Variants in MAU2 observed in about 807,000 individuals in gnomAD.
MAU2 encodes the protein MAU2 chromatid cohesion factor homolog.
MAU2 carries 9 observed loss-of-function variants against 89.1 expected under a neutral mutation model. The ratio of observed to expected loss-of-function variants is 0.10; its 90% CI spans 0.06 to 0.18. The LOEUF (loss-of-function observed/expected upper bound fraction) is 0.18, where lower values mean the gene tolerates loss of function less well. Ranked by LOEUF, MAU2 falls within the 10% of genes least tolerant of loss-of-function variation. The pLI is 1.00. For missense variants in MAU2, 425 were observed against 803.5 expected (o/e 0.53, Z 5.69); for synonymous variants, 357 against 343.4 (o/e 1.04, Z -0.44).
intron 9 of MAU2, 118 bp downstream of exon 9, chr19:19,342,984 G>C (rs2061664569): frequency 5.7e-6 from 6 of 1,044,578 alleles, no homozygotes; most frequent in Non-Finnish European, 7.3e-6. Flanking sequence ...CAGCCACCCT[G>C]CCTGGTGGGT....
intron 1 of MAU2, chr19:19,329,215 C>G (rs2061535399): frequency 4.6e-6 from 2 of 437,822 alleles, no homozygotes; most frequent in Non-Finnish European, 9.2e-6. Context: ...AATTCCGTGT[C>G]CCATCTGCAG....
intron 7 of MAU2, among the ~76,000 whole-genome samples, chr19:19,342,330 A>C (rs551718172): frequency 7.7e-4 from 118 of 152,314 alleles, no homozygotes; most frequent in Admixed American, 1.3e-3. Context: ...TCAGTCCCAC[A>C]GCTGCCCGCC....
chr19:19,326,708 A>ATATGTATATATATT (rs1555792844), intron 1 of MAU2, among the ~76,000 whole-genome samples: 1 of 120,224 alleles, frequency 8.3e-6, no homozygotes, highest in Non-Finnish European at 1.7e-5. Flanking sequence ...ATATGTATAT[A>ATATGTATATATATT]TATATATATA....
chr19:19,350,058 G>A (rs1599924638), intron 16 of MAU2, among the ~76,000 whole-genome samples: 2 of 151,126 alleles, frequency 1.3e-5, no homozygotes, highest in East Asian at 3.9e-4. Flanking sequence ...ACTTTGGGAG[G>A]CCAAGGCGGG....
rs906998961 is a variant in MAU2 at position 19,337,175 on chromosome 19, C to T, written c.366C>T (p.Ser122=). The T allele has an allele frequency of 7.4e-6, 12 of 1,611,280 alleles. No individual in the cohort carries two copies. The Admixed American group carries it at 1.5e-4, about 20-fold the overall frequency. ...ACGTGACTATTTCCTTTCAGAATTC[C>T]GTTGATGCAGCAAAGCCGCTGCTGC... ...LLSELYCQEN[S]VDAAKPLLRK... The change falls in exon 4 of 19, where the codon TCC becomes TCT. Residue 122 remains serine, a synonymous_variant. Coordinates refer to ENST00000262815, the MANE Select transcript of MAU2 (RefSeq NM_015329.4).
chr19:19,333,787 T>G (rs1159355757), intron 1 of MAU2, among the ~76,000 whole-genome samples: 1 of 152,172 alleles, frequency 6.6e-6, no homozygotes, highest in African/African-American at 2.4e-5. Context: ...GTGACAGAAA[T>G]GGGGCCAGCT....
rs1030801757 is a variant in MAU2 at position 19,349,028 on chromosome 19, C to A, written c.1358+90C>A. 1.0e-5 allele frequency: 16 copies of A among 1,559,444 alleles called. No homozygotes were observed. In the East Asian group the frequency reaches 3.1e-4, roughly 31 times the overall value. ...CTGACTGCCCCTTGCACCCTGACAC[C>A]CCATACCCCTCCTCACAGACAGTCT... is the stretch of plus-strand genomic sequence containing the variant. On this transcript the variant is annotated intron_variant, in intron 14 of 18. Transcript: ENST00000262815.
intron 16 of MAU2, among the ~76,000 whole-genome samples, chr19:19,350,785 A>G (rs903944697): frequency 1.3e-5 from 2 of 151,990 alleles, no homozygotes; most frequent in African/African-American, 4.8e-5. Flanking sequence ...CTGTAGTCCC[A>G]GCTATTTGGG....
intron 1 of MAU2, among the ~76,000 whole-genome samples, chr19:19,329,561 C>A (rs2061538333): frequency 6.6e-6 from 1 of 152,092 alleles, no homozygotes; most frequent in Non-Finnish European, 1.5e-5. Context: ...GTGATGACAC[C>A]CAGCCACTGC....
intron 1 of MAU2, among the ~76,000 whole-genome samples, chr19:19,323,666 C>G (rs985213450): frequency 6.6e-6 from 1 of 151,966 alleles, no homozygotes; most frequent in African/African-American, 2.4e-5. Context: ...ACCACCACAC[C>G]CAGCTAATTT....
rs375015894 is a variant in MAU2 at position 19,321,333 on chromosome 19, C to T, written c.276+198C>T. The stretch of plus-strand genomic sequence containing the variant: ...CTCAAGGGACACGAAAGCCTCGCCC[C>T]CCACGCCTTATTTCCCGTTTCTGGT... On this transcript the variant is annotated intron_variant, in intron 1 of 18. Transcript: ENST00000262815. Among the ~76,000 whole-genome samples, 5 of 152,308 alleles carry T rather than the reference C, an allele frequency of 3.3e-5. 1 individual carries two copies. Among genetic ancestry groups the T allele is most frequent in the African/African-American group, 1.2e-4 (5 of 41,586 alleles).
At chr19:19,334,859 C>T (rs927506737) in intron 1 of MAU2, among the ~76,000 whole-genome samples, 4 of 152,238 alleles carry the variant, frequency 2.6e-5, no homozygotes, top group Admixed American at 6.5e-5. Flanking sequence ...GCAGTCCTCC[C>T]ACAGAGTGCG....
intron 10 of MAU2, chr19:19,344,422 A>G (rs201709983): frequency 8.6e-6 from 2 of 232,014 alleles, no homozygotes; most frequent in African/African-American, 4.5e-5. Flanking sequence ...AAAAAAAAAA[A>G]CCCAAAAAAC....
Position 19,321,362 on chromosome 19 carries a change from A to G in MAU2, c.276+227A>G, listed in dbSNP as rs533362721. Among the ~76,000 whole-genome samples the G allele has an allele frequency of 3.3e-5, 5 of 152,250 alleles. No homozygotes were observed. The East Asian group carries it at 7.7e-4, about 24-fold the overall frequency. On this transcript the variant is annotated intron_variant, in intron 1 of 18. Coordinates refer to ENST00000262815, the MANE Select transcript of MAU2 (RefSeq NM_015329.4). The stretch of plus-strand genomic sequence containing the variant: ...CGCCTTATTTCCCGTTTCTGGTGAC[A>G]GGGCTCCAGGAGCCCCGTCACCGTA...
In MAU2 at chr19:19,326,214, G is replaced by A. The variant is rs145521804; in HGVS notation, c.276+5079G>A. 4.5e-3 allele frequency among the ~76,000 whole-genome samples: 678 copies of A among 151,890 alleles called. 3 individuals are homozygous for A. Among genetic ancestry groups the A allele is most frequent in the South Asian group, 0.031 (149 of 4,816 alleles). On this transcript the variant is annotated intron_variant, in intron 1 of 18. Coordinates refer to ENST00000262815, the MANE Select transcript of MAU2 (RefSeq NM_015329.4). ...AGAAAGATATATAACATACTTACTC[G>A]TCTACTTCATCAAGTCAACTAACTT...
intron 16 of MAU2, among the ~76,000 whole-genome samples, chr19:19,350,867 T>TC (rs34683617): frequency 0.052 from 7,685 of 146,892 alleles, 265 homozygotes; most frequent in East Asian, 0.12. Context: ...ACCACTGCAC[T>TC]CCAGCCTGGG....
chr19:19,336,940 G>A lies in MAU2; in HGVS notation c.361-230G>A, dbSNP rs1348081733. On this transcript the variant is annotated intron_variant, in intron 3 of 18. Coordinates refer to ENST00000262815, the MANE Select transcript of MAU2 (RefSeq NM_015329.4). ...TTGAACTGAAACTACTTTCAGTCCA[G>A]TTGAATGAGAAGTTATTTTAAGAGT... Among the ~76,000 whole-genome samples the A allele has an allele frequency of 2.6e-5, 4 of 152,340 alleles. No homozygotes were observed. The East Asian group carries it at 7.7e-4, about 29-fold the overall frequency.
At chr19:19,353,110 C>T (rs937370658) in intron 16 of MAU2, 1 of 152,224 alleles carries the variant, frequency 6.6e-6, no homozygotes, top group Admixed American at 6.6e-5. Flanking sequence ...GGTCCAGGGG[C>T]CCAGAAGAGC....
At chr19:19,328,214 G>T (rs1217249038) in intron 1 of MAU2, among the ~76,000 whole-genome samples, 1 of 151,310 alleles carries the variant, frequency 6.6e-6, no homozygotes, top group Non-Finnish European at 1.5e-5. Flanking sequence ...CTGACAGGTT[G>T]TGTTCTTCTA....
Sources: allele counts gnomAD v4.1 joint callset (sites outside exome capture counted in the v4.1 genomes callset), GRCh38; gene constraint gnomAD v4.1.1; transcripts MANE v1.5; gene names NCBI Gene and HGNC (gene_info 2026-07-23, HGNC 2026-07-21).